STX8: variants seen among roughly 807,000 people sequenced by gnomAD.
STX8 encodes syntaxin 8.
A neutral mutation model predicts 37.5 loss-of-function variants in STX8; 23 were observed. The ratio of observed to expected loss-of-function variants is 0.61; its 90% confidence interval spans 0.44 to 0.87. The LOEUF (loss-of-function observed/expected upper bound fraction) is 0.87, where lower values mean the gene tolerates loss of function less well. Ranked by LOEUF, STX8 falls within the 40% of genes least tolerant of loss-of-function variation. The probability of loss-of-function intolerance (pLI) is 0.00; values close to 1 mark genes in which losing one functional copy is unlikely to be tolerated. For synonymous variants in STX8, 115 were observed against 99.1 expected (o/e 1.16, Z -0.95); for missense variants, 313 against 284.7 (o/e 1.10, Z -0.71).
intron 7 of STX8, chr17:9,378,263 A>G (rs1337042031): frequency 3.1e-6 from 1 of 317,960 alleles, no homozygotes; most frequent in Non-Finnish European, 6.0e-6. Context: ...CAACCAGTAT[A>G]ATGTTATACA....
chr17:9,432,733 C>G (rs1914024282), intron 6 of STX8, among the ~76,000 whole-genome samples: 1 of 152,206 alleles, frequency 6.6e-6, no homozygotes, highest in Non-Finnish European at 1.5e-5. Context: ...GAGCTAGCAG[C>G]TGGCCTATTT....
At chr17:9,359,503 ATTTTTTTTT>A (rs145808683) in intron 7 of STX8, among the ~76,000 whole-genome samples, 1 of 91,744 alleles carries the variant, frequency 1.1e-5, no homozygotes, top group Non-Finnish European at 2.2e-5. Flanking sequence ...GCTGAGACAT[ATTTTTTTTT>A]TTTTTTTTTT....
At chr17:9,532,448 G>A (rs55963235) in intron 4 of STX8, among the ~76,000 whole-genome samples, 30,653 of 151,742 alleles carry the variant, frequency 0.2, 3,117 homozygotes, top group South Asian at 0.26. Flanking sequence ...ATATGGGCCC[G>A]TGCATGTATC....
chr17:9,482,762 A>C (rs1176954184), intron 6 of STX8, among the ~76,000 whole-genome samples: 1 of 152,064 alleles, frequency 6.6e-6, no homozygotes, highest in African/African-American at 2.4e-5. Flanking sequence ...AAAAATACAA[A>C]AATTAGCTGG....
At chr17:9,495,196 A>C (rs1056047779) in intron 5 of STX8, among the ~76,000 whole-genome samples, 2 of 152,158 alleles carry the variant, frequency 1.3e-5, no homozygotes, top group African/African-American at 4.8e-5. Context: ...TTTTTTAACT[A>C]TACAAATGAC....
At chr17:9,572,478 CGG>C (rs1555538776) in intron 1 of STX8, among the ~76,000 whole-genome samples, 1 of 152,126 alleles carries the variant, frequency 6.6e-6, no homozygotes, top group Non-Finnish European at 1.5e-5. Context: ...GGCGCAATCT[CGG>C]CTCACTGCAA....
intron 7 of STX8, among the ~76,000 whole-genome samples, chr17:9,283,727 A>G (rs1907976459): frequency 6.6e-6 from 1 of 152,256 alleles, no homozygotes; most frequent in Non-Finnish European, 1.5e-5. Context: ...AATGTTTTCA[A>G]TAACTGCATG....
At chr17:9,516,342 T>G (rs1280426714) in intron 4 of STX8, among the ~76,000 whole-genome samples, 3 of 118,108 alleles carry the variant, frequency 2.5e-5, no homozygotes, top group Admixed American at 1.7e-4. Context: ...TATATATATA[T>G]AGACACCTGT....
chr17:9,297,999 A>G (rs545497952), intron 7 of STX8, among the ~76,000 whole-genome samples: 307 of 152,320 alleles, frequency 2.0e-3, no homozygotes, highest in Middle Eastern at 3.4e-3. Flanking sequence ...CTAAATAGAG[A>G]TGACCTGATG....
At chr17:9,298,462 C>A (rs899860764) in intron 7 of STX8, among the ~76,000 whole-genome samples, 1 of 152,146 alleles carries the variant, frequency 6.6e-6, no homozygotes, top group Admixed American at 6.5e-5. Context: ...TTTGTCTTTC[C>A]CTCTTCCAAG....
intron 4 of STX8, among the ~76,000 whole-genome samples, chr17:9,514,294 T>A (rs1905106507): frequency 6.6e-6 from 1 of 152,170 alleles, no homozygotes; most frequent in African/African-American, 2.4e-5. Flanking sequence ...TATGTATAAT[T>A]ATTATATGTC....
chr17:9,499,548 G>A (rs1272762475), intron 5 of STX8, among the ~76,000 whole-genome samples: 1 of 152,062 alleles, frequency 6.6e-6, no homozygotes, highest in African/African-American at 2.4e-5. Context: ...ACAGGCGCCC[G>A]CCACGGACGC....
At chr17:9,527,657 T>G (rs533725695) in intron 4 of STX8, among the ~76,000 whole-genome samples, 1 of 152,270 alleles carries the variant, frequency 6.6e-6, no homozygotes, top group Admixed American at 6.5e-5. Context: ...AGTTAAGGGC[T>G]GCAATTCAAA....
intron 6 of STX8, among the ~76,000 whole-genome samples, chr17:9,436,045 GA>G (rs1299629673): frequency 6.6e-6 from 1 of 152,104 alleles, no homozygotes; most frequent in Non-Finnish European, 1.5e-5. Context: ...CTAGCTAAAT[GA>G]ATGAAACAAC....
chr17:9,406,180 C>A (rs992076045), intron 6 of STX8, among the ~76,000 whole-genome samples: 1 of 152,180 alleles, frequency 6.6e-6, no homozygotes, highest in Non-Finnish European at 1.5e-5. Context: ...CAGTACATGG[C>A]AAGCAATTCA....
intron 6 of STX8, among the ~76,000 whole-genome samples, chr17:9,393,317 T>G (rs77753022): frequency 0.012 from 1,781 of 152,252 alleles, 43 homozygotes; most frequent in African/African-American, 0.04. Flanking sequence ...TAAGAAAATA[T>G]GTTGTCAACA....
At chr17:9,382,571 T>C (rs1911860402) in intron 6 of STX8, among the ~76,000 whole-genome samples, 2 of 152,184 alleles carry the variant, frequency 1.3e-5, no homozygotes, top group African/African-American at 2.4e-5. Context: ...CCTAATGCTA[T>C]CCCTCCCCCA....
intron 2 of STX8, among the ~76,000 whole-genome samples, chr17:9,561,084 A>C (rs570698127): frequency 2.4e-4 from 36 of 152,212 alleles, no homozygotes; most frequent in African/African-American, 8.7e-4. Flanking sequence ...TCAAAGATTT[A>C]CACACACAAA....
chr17:9,316,899 G>A (rs1288096827), intron 7 of STX8, among the ~76,000 whole-genome samples: 1 of 152,174 alleles, frequency 6.6e-6, no homozygotes, highest in African/African-American at 2.4e-5. Flanking sequence ...CATCTAATTG[G>A]TATCCGCCAG....
Sources: allele counts gnomAD v4.1 joint callset (sites outside exome capture counted in the v4.1 genomes callset), GRCh38; gene constraint gnomAD v4.1.1; transcripts MANE v1.5; gene names NCBI Gene and HGNC (gene_info 2026-07-23, HGNC 2026-07-21).